The following SMARCA2 variants were observed in gnomAD, a reference collection of about 807,000 sequenced individuals.
SMARCA2 encodes SWI/SNF-related matrix-associated actin-dependent regulator of chromatin subfamily A member 2.
In SMARCA2, 61 loss-of-function variants were observed where a neutral mutation model predicts 199.8. The ratio of observed to expected loss-of-function variants is 0.31; its 90% CI spans 0.25 to 0.38. SMARCA2 has a LOEUF of 0.38. Ranked by LOEUF, SMARCA2 falls within the 10% of genes least tolerant of loss-of-function variation. The probability of loss-of-function intolerance (pLI) is 1.00; values close to 1 mark genes in which losing one functional copy is unlikely to be tolerated. For missense variants in SMARCA2, 1,344 were observed against 2,012.2 expected (o/e 0.67, Z 6.35); for synonymous variants, 935 against 732.0 (o/e 1.28, Z -4.48).
chr9:2,141,077 C>G (rs1041271860), intron 27 of SMARCA2, among the ~76,000 whole-genome samples: 2 of 152,078 alleles, frequency 1.3e-5, no homozygotes, highest in Non-Finnish European at 2.9e-5. Context: ...TTACTGCCAC[C>G]AAGTTGGCAA....
At chr9:2,136,743 T>G (rs931294052) in intron 27 of SMARCA2, among the ~76,000 whole-genome samples, 2 of 152,160 alleles carry the variant, frequency 1.3e-5, no homozygotes, top group Non-Finnish European at 2.9e-5. Context: ...CTTGAAGAGC[T>G]TGTCAAGAGC....
chr9:2,069,012 G>T (rs960979990), intron 9 of SMARCA2: 37 of 151,808 alleles, frequency 2.4e-4, no homozygotes, highest in African/African-American at 9.0e-4. Flanking sequence ...TGCCTCCTGG[G>T]TTCACGCCAT....
intron 26 of SMARCA2, among the ~76,000 whole-genome samples, chr9:2,120,958 T>C (rs1186447473): frequency 6.6e-6 from 1 of 152,166 alleles, no homozygotes; most frequent in African/African-American, 2.4e-5. Context: ...CCATCAGAAA[T>C]AGACATCCCC....
chr9:2,156,112 A>G (rs1290304927), intron 27 of SMARCA2, among the ~76,000 whole-genome samples: 1 of 152,236 alleles, frequency 6.6e-6, no homozygotes, highest in Admixed American at 6.5e-5. Context: ...ATTTTCTTAC[A>G]TCATGGATAT....
intron 14 of SMARCA2, 22 bp from the exon 15 acceptor site, chr9:2,081,810 A>C: frequency 6.2e-7 from 1 of 1,611,154 alleles, no homozygotes; most frequent in Non-Finnish European, 8.5e-7. Flanking sequence ...TGGATAATTG[A>C]AGCAATTACT....
In SMARCA2 at chr9:2,124,994, A is replaced by G. The variant is rs537773834; in HGVS notation, c.3981+1057A>G. On this transcript the variant is annotated intron_variant, in intron 27 of 33. Transcript: ENST00000349721. Reference sequence around the variant, plus strand: ...GGAGTTGTTCGTTTTATCCAAGGGGAGTACAGTTCCCAAGCTTTGTGAAAC... The same window carrying G: ...GGAGTTGTTCGTTTTATCCAAGGGGGGTACAGTTCCCAAGCTTTGTGAAAC... Among the ~76,000 whole-genome samples the G allele has an allele frequency of 8.5e-5, 13 of 152,302 alleles. No individual in the cohort carries two copies. In the South Asian group the frequency reaches 2.1e-3, roughly 24 times the overall value.
Position 2,033,089 on chromosome 9 carries a change from T to A in SMARCA2, c.355+8T>A. ...TGGATCAACACAGCCAAGGTTTGTGTCCGCTGCACACCTGATACTGGTTCC... is the reference window on the plus strand; with the variant it reads ...TGGATCAACACAGCCAAGGTTTGTGACCGCTGCACACCTGATACTGGTTCC... On this transcript the variant is annotated splice_region_variant and intron_variant, in intron 3 of 33. Coordinates refer to ENST00000349721, the MANE Select transcript of SMARCA2 (RefSeq NM_003070.5). The A allele has an allele frequency of 6.2e-7, 1 of 1,613,738 alleles. No individual in the cohort carries two copies. Among genetic ancestry groups the A allele is most frequent in the Non-Finnish European group, 8.5e-7 (1 of 1,179,822 alleles).
intron 19 of SMARCA2, among the ~76,000 whole-genome samples, chr9:2,094,500 C>T (rs1474908297): frequency 6.6e-6 from 1 of 152,182 alleles, no homozygotes; most frequent in Non-Finnish European, 1.5e-5. Flanking sequence ...ATCAGCCATG[C>T]CTTCCACATT....
At chr9:2,158,295 G>GT (rs895933532) in intron 27 of SMARCA2, 31 of 156,536 alleles carry the variant, frequency 2.0e-4, no homozygotes, top group Middle Eastern at 3.1e-3. Context: ...CACCATATGG[G>GT]TTTTTTTTCG....
intron 27 of SMARCA2, among the ~76,000 whole-genome samples, chr9:2,145,564 G>T (rs1824699840): frequency 1.3e-5 from 2 of 152,268 alleles, no homozygotes; most frequent in South Asian, 4.1e-4. Flanking sequence ...GGGAGGTGAG[G>T]AATGGGTGAA....
chr9:2,025,964 G>T (rs1315190422), intron 1 of SMARCA2, among the ~76,000 whole-genome samples: 2 of 152,124 alleles, frequency 1.3e-5, no homozygotes, highest in Non-Finnish European at 2.9e-5. Context: ...ACACAGGTTT[G>T]GATGAAGTCT....
rs139020797 is a variant in SMARCA2 at position 2,191,003 on chromosome 9, AGCCCCACT to A, written c.4595-261_4595-254del. On this transcript the variant is annotated intron_variant, in intron 32 of 33. Coordinates refer to ENST00000349721, the MANE Select transcript of SMARCA2 (RefSeq NM_003070.5). ...CCATTGGGAGACAGGTGAAGGATCC[AGCCCCACT>A]GTCCTCCATGAGACCTCGGTCCCTC... Among the ~76,000 whole-genome samples the A allele has an allele frequency of 9.5e-3, 1,440 of 152,332 alleles. 9 individuals are homozygous for A. The highest frequency in any genetic ancestry group is 0.013 in the Admixed American group (197 of 15,302).
Position 2,192,779 on chromosome 9 carries a change from C to T in SMARCA2, c.*40C>T, listed in dbSNP as rs766666410. Reference sequence around the variant, plus strand: ...TTTCCTTGGTAGAACTGAATTCCTTCCTCCCCTGTCTCATTTCTACCCAGT... The same window carrying T: ...TTTCCTTGGTAGAACTGAATTCCTTTCTCCCCTGTCTCATTTCTACCCAGT... On this transcript the variant is annotated 3_prime_UTR_variant, in exon 34 of 34. Coordinates refer to ENST00000349721, the MANE Select transcript of SMARCA2 (RefSeq NM_003070.5). 6.8e-7 allele frequency: 1 copy of T among 1,466,210 alleles called. No individual in the cohort carries two copies. 90.8% of individuals were successfully genotyped at this position (1,466,210 alleles called of 1,614,324 possible).
At chr9:2,058,568 T>A in intron 8 of SMARCA2, 104 bp downstream of exon 8, 2 of 968,380 alleles carry the variant, frequency 2.1e-6, no homozygotes, top group Non-Finnish European at 3.1e-6. Context: ...GAAAACTGCT[T>A]ATCAAAAATT....
rs77070978 is a variant in SMARCA2 at position 2,186,224 on chromosome 9, C to G, written c.4590C>G (p.Ser1530=). 4 of 1,613,232 alleles carry G rather than the reference C, an allele frequency of 2.5e-6. No homozygotes were observed. Among genetic ancestry groups the G allele is most frequent in the East Asian group, 4.5e-5 (2 of 44,866 alleles). Residue 1530 remains serine, a synonymous_variant, in exon 32 of 34, where the codon TCC becomes TCG. Coordinates refer to ENST00000349721, the MANE Select transcript of SMARCA2 (RefSeq NM_003070.5). ...AGGAAGATGAAGAAGAGTCAGAGTCCGAGGGTAAGCCCAGACATTCGGGTC... is the reference window on the plus strand; with the variant it reads ...AGGAAGATGAAGAAGAGTCAGAGTCGGAGGGTAAGCCCAGACATTCGGGTC... The part of the protein sequence containing the change: ...EEEEDEEESE[S]EAKSVKVKIK...
chr9:2,091,384 A>G (rs756913623), intron 19 of SMARCA2, among the ~76,000 whole-genome samples: 5 of 152,054 alleles, frequency 3.3e-5, no homozygotes, highest in Non-Finnish European at 1.5e-5. Context: ...AACCTTTTGC[A>G]TGGTTTTTTT....
At chr9:2,163,494 C>T (rs927430664) in intron 28 of SMARCA2, among the ~76,000 whole-genome samples, 1 of 152,160 alleles carries the variant, frequency 6.6e-6, no homozygotes, top group Non-Finnish European at 1.5e-5. Context: ...TTACTCACCC[C>T]CAAGCTCCCC....
At chr9:2,184,755 G>A (rs1233770803) in intron 31 of SMARCA2, among the ~76,000 whole-genome samples, 1 of 151,870 alleles carries the variant, frequency 6.6e-6, no homozygotes, top group East Asian at 1.9e-4. Flanking sequence ...TTTCTAAAAA[G>A]CCCCTCATTT....
In SMARCA2 at chr9:2,057,413, C is replaced by T. The variant is rs115783637; in HGVS notation, c.1347+568C>T. Among the ~76,000 whole-genome samples the T allele has an allele frequency of 5.8e-4, 89 of 152,246 alleles. 1 individual carries two copies. The highest frequency in any genetic ancestry group is 2.1e-3 in the African/African-American group (86 of 41,524). On this transcript the variant is annotated intron_variant, in intron 7 of 33. Transcript: ENST00000349721. The stretch of plus-strand genomic sequence containing the variant: ...ACCATTACATTGGGAGTTAGCATTT[C>T]AATATATAAATTTTGGGAGGACACA...
Sources: allele counts gnomAD v4.1 joint callset (sites outside exome capture counted in the v4.1 genomes callset), GRCh38; gene constraint gnomAD v4.1.1; transcripts MANE v1.5; gene names NCBI Gene and HGNC (gene_info 2026-07-23, HGNC 2026-07-21).